The following FNDC3A variants were observed in gnomAD, a reference collection of about 807,000 sequenced individuals.
FNDC3A encodes fibronectin type-III domain-containing protein 3A.
FNDC3A carries 32 observed loss-of-function variants against 148.9 expected under a neutral mutation model. That is an observed-to-expected ratio of 0.21 (90% CI 0.16 to 0.29). The LOEUF (loss-of-function observed/expected upper bound fraction) is 0.29, where lower values mean the gene tolerates loss of function less well. FNDC3A is among the 10% of genes least tolerant of loss of function. The pLI is 1.00. For synonymous variants in FNDC3A, 472 were observed against 473.6 expected (o/e 1.00, Z 0.04); for missense variants, 1,191 against 1,452.8 (o/e 0.82, Z 2.93).
intron 3 of FNDC3A, among the ~76,000 whole-genome samples, chr13:49,092,696 C>T (rs978032640): frequency 6.6e-6 from 1 of 151,912 alleles, no homozygotes; most frequent in Non-Finnish European, 1.5e-5. Context: ...CTGAATCTTT[C>T]CAGCCCTTCA....
intron 17 of FNDC3A, among the ~76,000 whole-genome samples, chr13:49,189,053 A>G (rs1885739357): frequency 6.6e-6 from 1 of 152,146 alleles, no homozygotes; most frequent in Non-Finnish European, 1.5e-5. Flanking sequence ...ACTTACTTCA[A>G]AAAAGTTGGC....
intron 12 of FNDC3A, 107 bp from the exon 13 acceptor site, chr13:49,175,256 AATTC>A: frequency 1.6e-6 from 1 of 618,254 alleles, no homozygotes; most frequent in Non-Finnish European, 2.6e-6. Context: ...TTTGTATTAT[AATTC>A]ATTATCAAAA....
intron 3 of FNDC3A, among the ~76,000 whole-genome samples, chr13:49,111,783 A>AT (rs1166415931): frequency 2.6e-5 from 4 of 151,654 alleles, no homozygotes; most frequent in South Asian, 2.1e-4. Flanking sequence ...TAAAAAAAAA[A>AT]TTTTTTTGCT....
intron 2 of FNDC3A, among the ~76,000 whole-genome samples, chr13:49,071,061 CTTT>C (rs35935869): frequency 4.7e-5 from 4 of 84,708 alleles, no homozygotes; most frequent in African/African-American, 1.5e-4. Flanking sequence ...CCCATGCCGG[CTTT>C]TTTTTTTTTT....
chr13:49,051,148 A>G (rs536120083), intron 2 of FNDC3A, among the ~76,000 whole-genome samples: 4 of 152,270 alleles, frequency 2.6e-5, no homozygotes, highest in South Asian at 2.1e-4. Context: ...TTTACATTCA[A>G]TGATAGTATT....
chr13:49,120,474 G>A (rs148839519), intron 4 of FNDC3A, among the ~76,000 whole-genome samples: 4,701 of 152,138 alleles, frequency 0.031, 99 homozygotes, highest in Non-Finnish European at 0.048. Flanking sequence ...TGACAGGATC[G>A]AATTCACACA....
intron 3 of FNDC3A, chr13:49,110,400 A>G: frequency 1.2e-6 from 2 of 1,600,376 alleles, no homozygotes; most frequent in Non-Finnish European, 1.7e-6. Flanking sequence ...TAAAAACGAA[A>G]TGAGTGGTAA....
chr13:49,043,901 A>G (rs909896172), intron 2 of FNDC3A, among the ~76,000 whole-genome samples: 2 of 152,232 alleles, frequency 1.3e-5, no homozygotes, highest in Non-Finnish European at 2.9e-5. Flanking sequence ...TGAAGACTTG[A>G]TCATCTACAT....
At chr13:49,036,167 T>G (rs1874477120) in intron 2 of FNDC3A, among the ~76,000 whole-genome samples, 1 of 152,122 alleles carries the variant, frequency 6.6e-6, no homozygotes, top group Non-Finnish European at 1.5e-5. Flanking sequence ...AATTTAGACA[T>G]AGTGAAATGG....
intron 2 of FNDC3A, among the ~76,000 whole-genome samples, chr13:49,017,906 C>G (rs1703630458): frequency 6.6e-6 from 1 of 152,134 alleles, no homozygotes; most frequent in South Asian, 2.1e-4. Flanking sequence ...AAATTCTTTT[C>G]TTTAAGAATG....
At chr13:49,092,642 AT>A (rs2137820185) in intron 3 of FNDC3A, among the ~76,000 whole-genome samples, 2 of 152,222 alleles carry the variant, frequency 1.3e-5, no homozygotes, top group South Asian at 4.2e-4. Context: ...GTTCCTTCTT[AT>A]AAAAATCACA....
chr13:49,205,451 A>G (rs1049182385), intron 25 of FNDC3A, among the ~76,000 whole-genome samples: 1 of 152,190 alleles, frequency 6.6e-6, no homozygotes, highest in African/African-American at 2.4e-5. Flanking sequence ...AAGCATCCCA[A>G]ATAAAGTCCA....
At chr13:49,155,286 A>T (rs1414416717) in intron 8 of FNDC3A, among the ~76,000 whole-genome samples, 1 of 151,224 alleles carries the variant, frequency 6.6e-6, no homozygotes, top group Non-Finnish European at 1.5e-5. Flanking sequence ...TTTCTTCTAG[A>T]TTTTCTAGTT....
intron 2 of FNDC3A, among the ~76,000 whole-genome samples, chr13:49,049,546 A>G (rs563975696): frequency 2.0e-5 from 3 of 151,828 alleles, no homozygotes; most frequent in South Asian, 2.1e-4. Context: ...AGGAGGCTGT[A>G]TATTTCCAGG....
intron 25 of FNDC3A, among the ~76,000 whole-genome samples, chr13:49,204,749 T>C (rs1183668513): frequency 7.0e-6 from 1 of 141,886 alleles, no homozygotes; most frequent in Non-Finnish European, 1.6e-5. Flanking sequence ...GAAATTAGCT[T>C]GAGCAGGTTA....
intron 2 of FNDC3A, among the ~76,000 whole-genome samples, chr13:49,025,925 A>C (rs1045037966): frequency 2.0e-5 from 3 of 152,222 alleles, no homozygotes; most frequent in Non-Finnish European, 4.4e-5. Flanking sequence ...ATACTTCTAA[A>C]TATTTCTCTT....
intron 2 of FNDC3A, among the ~76,000 whole-genome samples, chr13:49,038,344 A>G (rs987392845): frequency 1.3e-5 from 2 of 152,002 alleles, no homozygotes; most frequent in Non-Finnish European, 2.9e-5. Context: ...TCTACCCACT[A>G]TTTCCCTGTC....
In FNDC3A at chr13:49,068,864, G is replaced by T. The variant is rs1440375493; in HGVS notation, c.100-6425G>T. ...GGGAGCTAAATGATGAGAACACATG[G>T]ACATAAAGAGGGGAACAACAGACAC... is the stretch of plus-strand genomic sequence containing the variant. On this transcript the variant is annotated intron_variant, in intron 2 of 25. Transcript: ENST00000492622. Among the ~76,000 whole-genome samples, 10 of 152,134 alleles carry T rather than the reference G, an allele frequency of 6.6e-5. No individual in the cohort carries two copies. In the South Asian group the frequency reaches 2.1e-3, roughly 31 times the overall value.
At chr13:49,185,917 A>T (rs1885543770) in intron 14 of FNDC3A, 47 bp from the exon 15 acceptor site, 1 of 1,456,362 alleles carries the variant, frequency 6.9e-7, no homozygotes, top group African/African-American at 1.4e-5. Context: ...AGCCAGTATC[A>T]TTAGGTATCA....
Sources: allele counts gnomAD v4.1 joint callset (sites outside exome capture counted in the v4.1 genomes callset), GRCh38; gene constraint gnomAD v4.1.1; transcripts MANE v1.5; gene names NCBI Gene and HGNC (gene_info 2026-07-23, HGNC 2026-07-21).